SMG7: variants seen among roughly 807,000 people sequenced by gnomAD.
SMG7 encodes SMG7 nonsense mediated mRNA decay factor.
SMG7 carries 34 observed loss-of-function variants against 148.2 expected under a neutral mutation model. That is an observed-to-expected ratio of 0.23 (90% CI 0.17 to 0.31). The LOEUF (loss-of-function observed/expected upper bound fraction) is 0.31. SMG7 is among the 10% of genes least tolerant of loss of function. The probability of loss-of-function intolerance (pLI) is 1.00; values close to 1 mark genes in which losing one functional copy is unlikely to be tolerated. For missense variants in SMG7, 1,114 were observed against 1,408.4 expected (o/e 0.79, Z 3.35); for synonymous variants, 492 against 515.1 (o/e 0.96, Z 0.61).
intron 1 of SMG7, chr1:183,472,905 A>G: frequency 5.1e-6 from 2 of 392,630 alleles, no homozygotes; most frequent in Non-Finnish European, 9.0e-6. Flanking sequence ...GAAGCGTGAG[A>G]ATGTGCGCGC....
In SMG7 at chr1:183,529,296, C is replaced by T. The variant is rs1472413175; in HGVS notation, c.708-102C>T. The T allele has an allele frequency of 1.1e-5, 14 of 1,331,192 alleles. No homozygotes were observed. The East Asian group carries it at 3.2e-4, about 31-fold the overall frequency. The allele number at this position is 1,331,192 out of a possible 1,614,324, so 82.5% of individuals were successfully genotyped here. A position where few individuals can be genotyped will look rare whatever the true frequency, so the allele number is the denominator to read the frequency against. On this transcript the variant is annotated intron_variant, in intron 7 of 22. Transcript: ENST00000688051. Reference sequence around the variant, plus strand: ...TTGCAGTTGAAAAATCAGTCAAATACAGCTCTTTTGTGTATCAAGTATTTA... The same window carrying T: ...TTGCAGTTGAAAAATCAGTCAAATATAGCTCTTTTGTGTATCAAGTATTTA...
At chr1:183,526,897 A>C in intron 5 of SMG7, 130 bp downstream of exon 5, 1 of 702,834 alleles carries the variant, frequency 1.4e-6, no homozygotes, top group Non-Finnish European at 2.1e-6. Flanking sequence ...GAAACTATAA[A>C]ATGTATTCTA....
chr1:183,475,933 G>A (rs1320993668), intron 1 of SMG7, among the ~76,000 whole-genome samples: 1 of 152,182 alleles, frequency 6.6e-6, no homozygotes, highest in Non-Finnish European at 1.5e-5. Flanking sequence ...GGCAAAATGG[G>A]GGAGGCATAG....
Position 183,525,576 on chromosome 1 carries a change from G to GT in SMG7, c.313-1013dup, listed in dbSNP as rs984708619. Among the ~76,000 whole-genome samples the GT allele has an allele frequency of 3.3e-5, 5 of 152,184 alleles. No homozygotes were observed. In the South Asian group the frequency reaches 8.3e-4, roughly 25 times the overall value. On this transcript the variant is annotated intron_variant, in intron 4 of 22. Coordinates refer to ENST00000688051, the MANE Select transcript of SMG7 (RefSeq NM_001375584.1). ...TAGCTCTGTTTTGTTTTTTGTTCTT[G>GT]TTTTTTTCTGTGGGAGACGTGGTGT...
chr1:183,509,842 A>G (rs193145830), intron 1 of SMG7, among the ~76,000 whole-genome samples: 2 of 152,290 alleles, frequency 1.3e-5, no homozygotes, highest in African/African-American at 2.4e-5. Flanking sequence ...AGATTATAGC[A>G]TGGTAAAAAT....
In SMG7 at chr1:183,533,289, T is replaced by G. The variant is rs1164042014; in HGVS notation, c.969T>G (p.Asp323Glu). 6.2e-7 allele frequency: 1 copy of G among 1,613,970 alleles called. No homozygotes were observed. The highest frequency in any genetic ancestry group is 8.5e-7 in the Non-Finnish European group (1 of 1,179,838). The change falls in exon 9 of 23, where the codon GAT becomes GAG. Residue 323 changes from aspartate to glutamate, a missense_variant. Transcript: ENST00000688051. ...NETEQHTYSQ[D>E]EQLCWTQLLA... ...CCGAGCAGCACACTTATAGCCAAGA[T>G]GAGCAGCTATGTTGGACACAGTTGC...
chr1:183,545,324 TTGTG>T lies in SMG7; in HGVS notation c.2370+16_2370+19del, dbSNP rs1362379719. 6.2e-7 allele frequency: 1 copy of T among 1,603,668 alleles called. No individual in the cohort carries two copies. Among genetic ancestry groups the T allele is most frequent in the African/African-American group, 1.3e-5 (1 of 74,866 alleles). ...CTGGATTCCAGCAGGTAAGTTACAG[TTGTG>T]TGTACTATCCAGCTGAATGAAATAA... On this transcript the variant is annotated intron_variant, in intron 16 of 22. Coordinates refer to ENST00000688051, the MANE Select transcript of SMG7 (RefSeq NM_001375584.1).
At chr1:183,514,137 C>T (rs1662916153) in intron 2 of SMG7, among the ~76,000 whole-genome samples, 2 of 150,234 alleles carry the variant, frequency 1.3e-5, no homozygotes, top group Non-Finnish European at 3.0e-5. Flanking sequence ...CATATGCCAT[C>T]CTAAAATGTA....
At chr1:183,536,973 T>C (rs117225653) in intron 10 of SMG7, among the ~76,000 whole-genome samples, 172 bp from the exon 11 acceptor site, 1 of 152,266 alleles carries the variant, frequency 6.6e-6, no homozygotes, top group East Asian at 1.9e-4. Flanking sequence ...TCTTTATCAT[T>C]ATCTAGTGTA....
rs76528898 is a variant in SMG7 at position 183,491,983 on chromosome 1, G to C, written c.29+19334G>C. On this transcript the variant is annotated intron_variant, in intron 1 of 22. Transcript: ENST00000688051. ...TAATTCTCTCCAGCCCTTTCGTATG[G>C]CACTGATCTCATCCATGAAGGCAGA... Among the ~76,000 whole-genome samples the C allele has an allele frequency of 1.2e-3, 179 of 152,288 alleles. 2 individuals are homozygous for C. The highest frequency in any genetic ancestry group is 4.2e-3 in the African/African-American group (173 of 41,558).
chr1:183,552,918 A>C lies in SMG7; in HGVS notation c.*987A>C. On this transcript the variant is annotated 3_prime_UTR_variant, in exon 23 of 23. Transcript: ENST00000688051. ...CCATCTCCATCCCTTCTTTTACCCAATGCTGTATGCTAGTAATTGTTTTTA... is the reference window on the plus strand; with the variant it reads ...CCATCTCCATCCCTTCTTTTACCCACTGCTGTATGCTAGTAATTGTTTTTA... 1 of 1,509,616 alleles carries C rather than the reference A, an allele frequency of 6.6e-7. No individual in the cohort carries two copies. The highest frequency in any genetic ancestry group is 1.4e-5 in the African/African-American group (1 of 72,522). 93.5% of individuals were successfully genotyped at this position (1,509,616 alleles called of 1,614,324 possible).
In SMG7 at chr1:183,513,592, G is replaced by T. The variant is rs552883687; in HGVS notation, c.61+724G>T. The stretch of plus-strand genomic sequence containing the variant: ...TCACCATGTTGGTCAGGCTGGTCTC[G>T]AACTCCTGACTTCATGATCCTCCTG... On this transcript the variant is annotated intron_variant, in intron 2 of 22. Transcript: ENST00000688051. 5.3e-5 allele frequency among the ~76,000 whole-genome samples: 8 copies of T among 151,940 alleles called. No individual in the cohort carries two copies. In the South Asian group the frequency reaches 1.0e-3, roughly 20 times the overall value.
chr1:183,533,656 G>C lies in SMG7; in HGVS notation c.1007-20G>C. On this transcript the variant is annotated intron_variant, in intron 9 of 22. Coordinates refer to ENST00000688051, the MANE Select transcript of SMG7 (RefSeq NM_001375584.1). ...CAGTTTCATATTTCTTATGCTTTTT[G>C]AATACATTTTTTTTTCAAGTGTCTT... 1 of 1,593,724 alleles carries C rather than the reference G, an allele frequency of 6.3e-7. No homozygotes were observed. Among genetic ancestry groups the C allele is most frequent in the Non-Finnish European group, 8.6e-7 (1 of 1,167,166 alleles).
intron 12 of SMG7, 123 bp from the exon 13 acceptor site, chr1:183,540,861 A>T: frequency 1.4e-6 from 1 of 740,076 alleles, no homozygotes. Flanking sequence ...AGTTGATTAC[A>T]TCAAGTAGCT....
intron 1 of SMG7, among the ~76,000 whole-genome samples, chr1:183,497,603 T>G (rs1179699765): frequency 1.3e-5 from 2 of 152,214 alleles, no homozygotes; most frequent in Non-Finnish European, 2.9e-5. Flanking sequence ...GGAGTCTTGT[T>G]CTGTGGCCCA....
At chr1:183,545,878 C>A (rs1669838246) in intron 16 of SMG7, 88 bp from the exon 17 acceptor site, 2 of 1,462,488 alleles carry the variant, frequency 1.4e-6, no homozygotes, top group East Asian at 2.3e-5. Flanking sequence ...TTGGAAAACA[C>A]CCCAAGTTCA....
At chr1:183,472,760 C>A in intron 1 of SMG7, 111 bp downstream of exon 1, 1 of 1,015,618 alleles carries the variant, frequency 9.8e-7, no homozygotes, top group Non-Finnish European at 1.3e-6. Flanking sequence ...TGCGTCCTCT[C>A]CTCGCCGGGC....
chr1:183,536,057 A>G (rs1236893698), intron 10 of SMG7, among the ~76,000 whole-genome samples: 1 of 152,146 alleles, frequency 6.6e-6, no homozygotes, highest in African/African-American at 2.4e-5. Flanking sequence ...AATTTTCCGT[A>G]GTGTGATTAT....
In SMG7 at chr1:183,528,152, T is replaced by C. The variant is rs186683111; in HGVS notation, c.556+125T>C. On this transcript the variant is annotated intron_variant, in intron 6 of 22. Coordinates refer to ENST00000688051, the MANE Select transcript of SMG7 (RefSeq NM_001375584.1). ...ATAAATGAGTTTTGTTATTGTCATG[T>C]TTTTCCATTTAACTGTACATTCCAT... 2.5e-3 allele frequency: 1,401 copies of C among 558,080 alleles called. 3 individuals are homozygous for C. Among genetic ancestry groups the C allele is most frequent in the Middle Eastern group, 4.5e-3 (16 of 3,544 alleles). The allele number at this position is 558,080 out of a possible 1,614,324, so 34.6% of individuals were successfully genotyped here.
Sources: allele counts gnomAD v4.1 joint callset (sites outside exome capture counted in the v4.1 genomes callset), GRCh38; gene constraint gnomAD v4.1.1; transcripts MANE v1.5; gene names NCBI Gene and HGNC (gene_info 2026-07-23, HGNC 2026-07-21).